The following NOS1AP variants were observed in gnomAD, a reference collection of about 807,000 sequenced individuals.
NOS1AP encodes nitric oxide synthase 1 adaptor protein.
In NOS1AP, 21 loss-of-function variants were observed where a neutral mutation model predicts 56.2. The ratio of observed to expected loss-of-function variants is 0.37; its 90% CI spans 0.26 to 0.54. The LOEUF (loss-of-function observed/expected upper bound fraction) is 0.54. Ranked by LOEUF, NOS1AP falls within the 20% of genes least tolerant of loss-of-function variation. The probability of loss-of-function intolerance (pLI) is 0.84; values close to 1 mark genes in which losing one functional copy is unlikely to be tolerated. For synonymous variants in NOS1AP, 270 were observed against 274.6 expected (o/e 0.98, Z 0.17); for missense variants, 522 against 657.8 (o/e 0.79, Z 2.26).
At chr1:162,276,402 C>T (rs564631318) in intron 2 of NOS1AP, among the ~76,000 whole-genome samples, 4 of 152,068 alleles carry the variant, frequency 2.6e-5, no homozygotes, top group East Asian at 1.9e-4. Flanking sequence ...AACGGGGAGA[C>T]GCAGGGAATC....
intron 2 of NOS1AP, among the ~76,000 whole-genome samples, chr1:162,223,550 G>C (rs1394959296): frequency 6.6e-6 from 1 of 152,064 alleles, no homozygotes; most frequent in Admixed American, 6.5e-5. Context: ...TCAAGACGTA[G>C]AAAAAGCTTT....
chr1:162,076,148 C>T (rs191128153), intron 1 of NOS1AP, among the ~76,000 whole-genome samples: 15 of 152,268 alleles, frequency 9.9e-5, no homozygotes, highest in African/African-American at 3.1e-4. Context: ...CTATAATTAC[C>T]TGCCTTCCCT....
intron 5 of NOS1AP, among the ~76,000 whole-genome samples, chr1:162,334,852 G>A (rs1174567023): frequency 6.6e-6 from 1 of 152,182 alleles, no homozygotes; most frequent in Non-Finnish European, 1.5e-5. Flanking sequence ...GAGGTTAAAT[G>A]ACTTGCCTGA....
At chr1:162,176,717 C>T (rs528318593) in intron 2 of NOS1AP, among the ~76,000 whole-genome samples, 2 of 152,180 alleles carry the variant, frequency 1.3e-5, no homozygotes, top group South Asian at 4.2e-4. Context: ...CCACATTGGC[C>T]AAGATGGTCT....
chr1:162,330,232 A>T (rs1227261771), intron 4 of NOS1AP, among the ~76,000 whole-genome samples: 3 of 152,246 alleles, frequency 2.0e-5, no homozygotes, highest in African/African-American at 7.2e-5. Flanking sequence ...AGCCAGGCAG[A>T]TCACATTATA....
At chr1:162,131,872 T>C (rs1225797298) in intron 1 of NOS1AP, among the ~76,000 whole-genome samples, 1 of 152,166 alleles carries the variant, frequency 6.6e-6, no homozygotes, top group East Asian at 1.9e-4. Context: ...CTGTCAAACT[T>C]TGGGCAAGTA....
At chr1:162,235,570 T>C (rs951777479) in intron 2 of NOS1AP, among the ~76,000 whole-genome samples, 3 of 152,180 alleles carry the variant, frequency 2.0e-5, no homozygotes, top group African/African-American at 4.8e-5. Context: ...TGGTCAACAG[T>C]GCGGAAACAT....
chr1:162,340,215 A>G (rs898128628), intron 5 of NOS1AP, among the ~76,000 whole-genome samples: 16 of 152,228 alleles, frequency 1.1e-4, no homozygotes, highest in Non-Finnish European at 2.1e-4. Context: ...AAAATAAAGG[A>G]TAAATTAAAC....
At chr1:162,263,752 C>T (rs1654311863) in intron 2 of NOS1AP, among the ~76,000 whole-genome samples, 1 of 152,126 alleles carries the variant, frequency 6.6e-6, no homozygotes. Flanking sequence ...CTTGACATCT[C>T]TTTTTGGATT....
chr1:162,122,174 G>A (rs973099217), intron 1 of NOS1AP, among the ~76,000 whole-genome samples: 3 of 152,186 alleles, frequency 2.0e-5, no homozygotes, highest in African/African-American at 7.2e-5. Context: ...TATAAAGCAA[G>A]ACACGTGATC....
intron 2 of NOS1AP, among the ~76,000 whole-genome samples, chr1:162,217,938 G>A (rs1652637382): frequency 6.6e-6 from 1 of 152,136 alleles, no homozygotes; most frequent in Non-Finnish European, 1.5e-5. Context: ...GAGCATATGG[G>A]GACTTTACAT....
In NOS1AP at chr1:162,317,805, A is replaced by G. The variant is rs943271569; in HGVS notation, c.345-15212A>G. 3.9e-5 allele frequency: 6 copies of G among 152,240 alleles called. 1 individual carries two copies. Among genetic ancestry groups the G allele is most frequent in the Admixed American group, 2.0e-4 (3 of 15,278 alleles). 9.4% of individuals were successfully genotyped at this position (152,240 alleles called of 1,614,324 possible). ...TTCCTATGAGAAAGGGAAGTCAGTAACAGATGGGTGAAATGCAGGTCTGGG... is the reference window on the plus strand; with the variant it reads ...TTCCTATGAGAAAGGGAAGTCAGTAGCAGATGGGTGAAATGCAGGTCTGGG... On this transcript the variant is annotated intron_variant, in intron 4 of 9. Transcript: ENST00000361897.
At chr1:162,353,672 A>G (rs1283370755) in intron 6 of NOS1AP, among the ~76,000 whole-genome samples, 3 of 152,338 alleles carry the variant, frequency 2.0e-5, no homozygotes, top group East Asian at 1.9e-4. Flanking sequence ...CACATCCAAT[A>G]TCATGTGCTA....
chr1:162,201,705 T>A (rs2102167176), intron 2 of NOS1AP, among the ~76,000 whole-genome samples: 2 of 152,360 alleles, frequency 1.3e-5, no homozygotes, highest in Middle Eastern at 6.8e-3. Flanking sequence ...TCAGTGATAT[T>A]GAGCTTTTCT....
chr1:162,323,030 C>T (rs760762115), intron 4 of NOS1AP, among the ~76,000 whole-genome samples: 8 of 152,130 alleles, frequency 5.3e-5, no homozygotes, highest in Non-Finnish European at 1.0e-4. Flanking sequence ...GGATATGTTC[C>T]TCACCCCGGT....
At chr1:162,100,692 A>C (rs1473464460) in intron 1 of NOS1AP, among the ~76,000 whole-genome samples, 1 of 146,660 alleles carries the variant, frequency 6.8e-6, no homozygotes, top group Non-Finnish European at 1.5e-5. Flanking sequence ...GGTGTTTTAG[A>C]CATGAAGTCC....
rs572061553 is a variant in NOS1AP at position 162,119,152 on chromosome 1, T to C, written c.106-35253T>C. ...AAGAATGATCTAGAAACTGAAATAGTTTCCTGTCATAATAACCGGAAGAGA... is the reference window on the plus strand; with the variant it reads ...AAGAATGATCTAGAAACTGAAATAGCTTCCTGTCATAATAACCGGAAGAGA... On this transcript the variant is annotated intron_variant, in intron 1 of 9. Coordinates refer to ENST00000361897, the MANE Select transcript of NOS1AP (RefSeq NM_014697.3). 3.3e-5 allele frequency among the ~76,000 whole-genome samples: 5 copies of C among 152,290 alleles called. No homozygotes were observed. In the East Asian group the frequency reaches 9.6e-4, roughly 29 times the overall value.
chr1:162,145,680 G>A (rs1649432823), intron 1 of NOS1AP, among the ~76,000 whole-genome samples: 1 of 152,190 alleles, frequency 6.6e-6, no homozygotes, highest in Non-Finnish European at 1.5e-5. Context: ...AGCTCCTTTG[G>A]TTCTCTGTTT....
At chr1:162,142,491 T>G (rs1038875156) in intron 1 of NOS1AP, among the ~76,000 whole-genome samples, 2 of 152,172 alleles carry the variant, frequency 1.3e-5, no homozygotes, top group African/African-American at 4.8e-5. Context: ...TTTTTTTGTC[T>G]GTTGAGATGA....
Sources: gnomAD v4.1 joint callset for allele counts (sites outside exome capture counted in the v4.1 genomes callset) on GRCh38, gnomAD v4.1.1 for gene constraint, MANE v1.5 for transcripts, NCBI Gene and HGNC (gene_info 2026-07-23, HGNC 2026-07-21) for gene names.